The following CFAP299 variants were observed in gnomAD, a reference collection of about 807,000 sequenced individuals.
CFAP299 encodes cilia- and flagella-associated protein 299.
Under a neutral mutation model 27.0 loss-of-function variants are expected in CFAP299, and 21 were observed. That is an observed-to-expected ratio of 0.78 (90% CI 0.55 to 1.12). CFAP299 has a LOEUF of 1.12. Among genes scored for constraint, CFAP299 ranks in the 50% most tolerant of loss-of-function variants. CFAP299 has a pLI of 0.00. For missense variants in CFAP299, 310 were observed against 276.6 expected, an observed-to-expected ratio of 1.12 and a Z score of -0.86; for synonymous variants, 104 against 98.1, an observed-to-expected ratio of 1.06 and a Z score of -0.36.
intron 2 of CFAP299, chr4:80,387,434 C>G: frequency 1.1e-6 from 1 of 874,100 alleles, no homozygotes; most frequent in South Asian, 1.4e-5. Context: ...CAAGTAGGAG[C>G]TGTAGATGAG....
rs539453741 is a variant in CFAP299 at position 80,767,357 on chromosome 4, C to T, written c.334-102636C>T. Among the ~76,000 whole-genome samples, 943 of 152,228 alleles carry T rather than the reference C, an allele frequency of 6.2e-3. 7 individuals carry two copies. The highest frequency in any genetic ancestry group is 6.2e-3 in the Non-Finnish European group (421 of 68,012). ...GGGCACGGTGGCTCACGCCTGTAAT[C>T]CCAGCACTTTGGGAGGCCGAGGCGG... On this transcript the variant is annotated intron_variant, in intron 3 of 5. Coordinates refer to ENST00000358105, the MANE Select transcript of CFAP299 (RefSeq NM_152770.3).
At chr4:80,336,201 C>G (rs1383381451) in intron 1 of CFAP299, among the ~76,000 whole-genome samples, 1 of 152,218 alleles carries the variant, frequency 6.6e-6, no homozygotes, top group African/African-American at 2.4e-5. Flanking sequence ...CAAAGCCGCT[C>G]TCTGTGAGGA....
At chr4:80,759,078 A>G (rs1205128421) in intron 3 of CFAP299, among the ~76,000 whole-genome samples, 4 of 152,228 alleles carry the variant, frequency 2.6e-5, no homozygotes, top group African/African-American at 9.6e-5. Flanking sequence ...GATGGCCACA[A>G]AAAGACATAA....
intron 4 of CFAP299, among the ~76,000 whole-genome samples, chr4:80,928,392 C>A (rs988596743): frequency 5.3e-5 from 8 of 151,950 alleles, no homozygotes; most frequent in African/African-American, 1.9e-4. Context: ...AATGAAAATT[C>A]TTATTTTGTC....
Position 80,490,761 on chromosome 4 carries a change from A to G in CFAP299, c.243-92332A>G, listed in dbSNP as rs115351145. On this transcript the variant is annotated intron_variant, in intron 2 of 5. Coordinates refer to ENST00000358105, the MANE Select transcript of CFAP299 (RefSeq NM_152770.3). ...TAAAAATCCCACAGTTTGAAATTCA[A>G]TGCATTAAGTAGTGAATAAGTATGA... is the stretch of plus-strand genomic sequence containing the variant. Among the ~76,000 whole-genome samples the G allele has an allele frequency of 6.4e-3, 972 of 152,310 alleles. 12 individuals are homozygous for G. Among genetic ancestry groups the G allele is most frequent in the African/African-American group, 0.022 (917 of 41,568 alleles).
chr4:80,652,559 T>C (rs1203388707), intron 3 of CFAP299, among the ~76,000 whole-genome samples: 2 of 152,084 alleles, frequency 1.3e-5, no homozygotes, highest in Non-Finnish European at 2.9e-5. Flanking sequence ...TTTGTTTGAA[T>C]AGGATATTGA....
intron 3 of CFAP299, among the ~76,000 whole-genome samples, chr4:80,653,044 C>T (rs1199411438): frequency 6.6e-6 from 1 of 152,080 alleles, no homozygotes; most frequent in Non-Finnish European, 1.5e-5. Context: ...AGACAATGTA[C>T]CCTGCTTTTG....
At chr4:80,554,505 G>GT (rs869288835) in intron 2 of CFAP299, among the ~76,000 whole-genome samples, 9,472 of 108,626 alleles carry the variant, frequency 0.087, 1,149 homozygotes, top group African/African-American at 0.26. Context: ...TTTTCCACTA[G>GT]TTTTTTTTTT....
intron 2 of CFAP299, among the ~76,000 whole-genome samples, chr4:80,426,893 G>A (rs1484069768): frequency 6.6e-6 from 1 of 152,112 alleles, no homozygotes; most frequent in Non-Finnish European, 1.5e-5. Flanking sequence ...TTTTGTGTGT[G>A]AGTATAAAAC....
Position 80,625,043 on chromosome 4 carries a change from G to A in CFAP299, c.333+41860G>A, listed in dbSNP as rs189616205. Among the ~76,000 whole-genome samples the A allele has an allele frequency of 3.2e-3, 488 of 152,184 alleles. 12 individuals carry two copies. Among genetic ancestry groups the A allele is most frequent in the Non-Finnish European group, 4.0e-4 (27 of 67,946 alleles). Reference sequence around the variant, plus strand: ...ACTAATAAGTCACGTGAAAACACCTGAAAGTATAAAACTCACTGGTAAAAG... The same window carrying A: ...ACTAATAAGTCACGTGAAAACACCTAAAAGTATAAAACTCACTGGTAAAAG... On this transcript the variant is annotated intron_variant, in intron 3 of 5. Transcript: ENST00000358105.
At chr4:80,823,579 T>TA (rs1017071241) in intron 3 of CFAP299, among the ~76,000 whole-genome samples, 1 of 152,168 alleles carries the variant, frequency 6.6e-6, no homozygotes, top group Non-Finnish European at 1.5e-5. Flanking sequence ...GAAATGATAC[T>TA]AAAGTTATTA....
chr4:80,868,903 CTCTG>C (rs1435172934), intron 3 of CFAP299, among the ~76,000 whole-genome samples: 18 of 131,992 alleles, frequency 1.4e-4, no homozygotes, highest in Admixed American at 8.3e-4. Context: ...GGGCTTCTCT[CTCTG>C]TGTGTGTGTG....
intron 3 of CFAP299, among the ~76,000 whole-genome samples, chr4:80,631,037 A>G (rs768280027): frequency 2.0e-5 from 3 of 152,068 alleles, no homozygotes; most frequent in Non-Finnish European, 4.4e-5. Flanking sequence ...CATAAAATAT[A>G]GTTGTTTCCT....
At chr4:80,808,266 G>C (rs1383799411) in intron 3 of CFAP299, among the ~76,000 whole-genome samples, 1 of 151,798 alleles carries the variant, frequency 6.6e-6, no homozygotes, top group South Asian at 2.1e-4. Context: ...CAGTTATTTT[G>C]GTTACTAATC....
chr4:80,854,485 G>T (rs1003924763), intron 3 of CFAP299, among the ~76,000 whole-genome samples: 2 of 151,886 alleles, frequency 1.3e-5, no homozygotes, highest in African/African-American at 4.8e-5. Flanking sequence ...AACATGAGAT[G>T]AAATGAGGTC....
At chr4:80,449,865 A>G (rs1220965794) in intron 2 of CFAP299, among the ~76,000 whole-genome samples, 1 of 152,032 alleles carries the variant, frequency 6.6e-6, no homozygotes, top group Non-Finnish European at 1.5e-5. Flanking sequence ...TTTTCTCACC[A>G]AAATGTACAA....
In CFAP299 at chr4:80,410,924, G is replaced by T. The variant is rs1726688629; in HGVS notation, c.242+48040G>T. On this transcript the variant is annotated intron_variant, in intron 2 of 5. Transcript: ENST00000358105. The stretch of plus-strand genomic sequence containing the variant: ...TAATACTGGCAGCTTTTGTTAATAA[G>T]AATTAGGTTGGCTCCAAAAAGTAAT... Among the ~76,000 whole-genome samples, 3 of 152,052 alleles carry T rather than the reference G, an allele frequency of 2.0e-5. No individual in the cohort carries two copies. In the South Asian group the frequency reaches 6.2e-4, roughly 32 times the overall value.
intron 1 of CFAP299, among the ~76,000 whole-genome samples, chr4:80,339,825 T>A (rs1722352452): frequency 6.6e-6 from 1 of 152,204 alleles, no homozygotes; most frequent in Non-Finnish European, 1.5e-5. Context: ...AGGCCCTTTA[T>A]TTTAATAAAG....
intron 2 of CFAP299, among the ~76,000 whole-genome samples, chr4:80,472,049 G>A (rs1362993002): frequency 6.6e-6 from 1 of 152,224 alleles, no homozygotes; most frequent in African/African-American, 2.4e-5. Flanking sequence ...ACTCATTTTA[G>A]AAAGTTACAC....
Sources: gnomAD v4.1 joint callset for allele counts (sites outside exome capture counted in the v4.1 genomes callset) on GRCh38, gnomAD v4.1.1 for gene constraint, MANE v1.5 for transcripts, NCBI Gene and HGNC (gene_info 2026-07-23, HGNC 2026-07-21) for gene names.